The following VTI1A variants were observed in gnomAD, a reference collection of about 807,000 sequenced individuals.
VTI1A encodes the protein vesicle transport through interaction with t-SNAREs homolog 1A.
In VTI1A, 22 loss-of-function variants were observed where a neutral mutation model predicts 34.9. The ratio of observed to expected loss-of-function variants is 0.63; its 90% CI spans 0.45 to 0.90. The LOEUF (loss-of-function observed/expected upper bound fraction) is 0.90. Among genes scored for constraint, VTI1A ranks in the 40% least tolerant of loss-of-function variants. The probability of loss-of-function intolerance (pLI) is 0.00; values close to 1 mark genes in which losing one functional copy is unlikely to be tolerated. For synonymous variants in VTI1A, 87 were observed against 97.3 expected, an observed-to-expected ratio of 0.89 and a Z score of 0.62; for missense variants, 268 against 275.6, an observed-to-expected ratio of 0.97 and a Z score of 0.20.
chr10:112,730,059 T>C (rs910969872), intron 7 of VTI1A, among the ~76,000 whole-genome samples: 4 of 152,222 alleles, frequency 2.6e-5, no homozygotes, highest in African/African-American at 7.2e-5. Context: ...TGAATCTCAC[T>C]GACCATAGAA....
chr10:112,681,616 AT>A (rs2133860483), intron 7 of VTI1A, among the ~76,000 whole-genome samples: 1 of 152,356 alleles, frequency 6.6e-6, no homozygotes, highest in East Asian at 1.9e-4. Flanking sequence ...ATAAGATCTA[AT>A]TGTAAACAAT....
At chr10:112,822,401 C>T (rs561822063), downstream of VTI1A, among the ~76,000 whole-genome samples, 60 of 152,240 alleles carry the variant, frequency 3.9e-4, no homozygotes, top group Middle Eastern at 0.01. Context: ...TGAGAAGGAT[C>T]GAGAAAGAGC....
At chr10:112,823,930 T>C in the VTI1A span, 1 of 152,272 alleles carries the variant, frequency 6.6e-6, no homozygotes, top group Non-Finnish European at 1.5e-5. Context: ...GATTTTCAGA[T>C]GGGGAAATGG....
At chr10:112,718,903 A>G (rs556272282) in intron 7 of VTI1A, among the ~76,000 whole-genome samples, 10 of 152,338 alleles carry the variant, frequency 6.6e-5, no homozygotes, top group Admixed American at 6.5e-5. Flanking sequence ...CACTGTAATG[A>G]AGAAATGCAT....
At chr10:112,667,639 A>C (rs1847690883) in intron 5 of VTI1A, among the ~76,000 whole-genome samples, 2 of 152,198 alleles carry the variant, frequency 1.3e-5, no homozygotes, top group South Asian at 4.1e-4. Flanking sequence ...CCTCACCTTG[A>C]GTTGACTCAA....
intron 7 of VTI1A, among the ~76,000 whole-genome samples, chr10:112,756,673 AT>A (rs1167306671): frequency 6.6e-6 from 1 of 152,038 alleles, no homozygotes; most frequent in Non-Finnish European, 1.5e-5. Flanking sequence ...TCATTAAAAT[AT>A]TTTTTTCTCT....
At chr10:112,553,951 A>G (rs1851458441) in intron 5 of VTI1A, among the ~76,000 whole-genome samples, 1 of 152,198 alleles carries the variant, frequency 6.6e-6, no homozygotes, top group Admixed American at 6.5e-5. Context: ...TTAAGACCCT[A>G]GCTATTAACA....
At chr10:112,797,577 C>T (rs1308129984) in intron 7 of VTI1A, among the ~76,000 whole-genome samples, 1 of 152,020 alleles carries the variant, frequency 6.6e-6, no homozygotes, top group Admixed American at 6.5e-5. Flanking sequence ...TTAAGATACC[C>T]TATTATTTTG....
chr10:112,609,227 G>C (rs1845201552), intron 5 of VTI1A, among the ~76,000 whole-genome samples: 1 of 152,096 alleles, frequency 6.6e-6, no homozygotes, highest in South Asian at 2.1e-4. Flanking sequence ...GTGTATTTTT[G>C]CTCTTTGAAG....
At chr10:112,527,040 C>G (rs370474402) in intron 3 of VTI1A, 47 bp from the exon 4 acceptor site, 2 of 1,593,400 alleles carry the variant, frequency 1.3e-6, no homozygotes, top group Non-Finnish European at 1.7e-6. Context: ...GAAGCTTTTA[C>G]TTTCTAACGT....
intron 7 of VTI1A, among the ~76,000 whole-genome samples, chr10:112,802,882 G>A (rs2134074756): frequency 6.6e-6 from 1 of 152,194 alleles, no homozygotes; most frequent in South Asian, 2.1e-4. Flanking sequence ...ATAAAACAAG[G>A]GACATTTTGA....
intron 5 of VTI1A, among the ~76,000 whole-genome samples, chr10:112,659,028 A>G (rs1847344311): frequency 6.6e-6 from 1 of 152,264 alleles, no homozygotes; most frequent in African/African-American, 2.4e-5. Context: ...AGAGTTCACA[A>G]AGAGTACAAA....
intron 7 of VTI1A, among the ~76,000 whole-genome samples, chr10:112,789,016 C>A (rs533370538): frequency 7.8e-4 from 118 of 152,060 alleles, no homozygotes; most frequent in African/African-American, 2.7e-3. Flanking sequence ...ATAAACCCAA[C>A]AATACAAAAT....
chr10:112,563,871 A>G (rs1299297104), intron 5 of VTI1A, among the ~76,000 whole-genome samples: 1 of 152,190 alleles, frequency 6.6e-6, no homozygotes, highest in Admixed American at 6.5e-5. Flanking sequence ...AATATCTGTG[A>G]GTAGTTTTTG....
chr10:112,568,336 G>A (rs1209208009), intron 5 of VTI1A, among the ~76,000 whole-genome samples: 3 of 151,956 alleles, frequency 2.0e-5, no homozygotes, highest in Non-Finnish European at 2.9e-5. Context: ...ATGAAACCCC[G>A]TCTCTACTAA....
Position 112,740,372 on chromosome 10 carries a change from C to A in VTI1A, c.560+71374C>A, listed in dbSNP as rs140001535. Among the ~76,000 whole-genome samples, 984 of 152,310 alleles carry A rather than the reference C, an allele frequency of 6.5e-3. 7 individuals are homozygous for A. Among genetic ancestry groups the A allele is most frequent in the African/African-American group, 0.023 (953 of 41,572 alleles). On this transcript the variant is annotated intron_variant, in intron 7 of 7. Coordinates refer to ENST00000393077, the MANE Select transcript of VTI1A (RefSeq NM_145206.4). ...TGGTGCAATCTCGGCACACTGCAACCTCCGCCTCCCAGGTTCAAGCAAGTC... is the reference window on the plus strand; with the variant it reads ...TGGTGCAATCTCGGCACACTGCAACATCCGCCTCCCAGGTTCAAGCAAGTC...
intron 4 of VTI1A, among the ~76,000 whole-genome samples, chr10:112,531,063 T>TCACACACACACACACACACACACACACA (rs10670312): frequency 1.4e-5 from 2 of 139,844 alleles, no homozygotes; most frequent in Non-Finnish European, 3.1e-5. Context: ...GTGACACACC[T>TCACACACACACACACACACACACACACA]CACACACACA....
At chr10:112,447,590 C>G (rs1846936206) in intron 1 of VTI1A, 123 bp downstream of exon 1, 1 of 1,118,480 alleles carries the variant, frequency 8.9e-7, no homozygotes, top group East Asian at 2.6e-5. Context: ...GCCGGCTGTT[C>G]CCAGGAGGGA....
chr10:112,830,849 ATTTTT>A, the VTI1A span, among the ~76,000 whole-genome samples: 32 of 33,474 alleles, frequency 9.6e-4, no homozygotes, highest in African/African-American at 3.5e-3. Context: ...ATATATATAT[ATTTTT>A]TTTTTTTTTC....
Sources: gnomAD v4.1 joint callset for allele counts (sites outside exome capture counted in the v4.1 genomes callset) on GRCh38, gnomAD v4.1.1 for gene constraint, MANE v1.5 for transcripts, NCBI Gene and HGNC (gene_info 2026-07-23, HGNC 2026-07-21) for gene names.